The following TRRAP variants were observed in gnomAD, a reference collection of about 807,000 sequenced individuals.
TRRAP encodes transformation/transcription domain associated protein, also known as transformation/transcription domain-associated protein.
A neutral mutation model predicts 438.8 loss-of-function variants in TRRAP; 41 were observed. The observed-to-expected ratio is 0.09, with a 90% CI of 0.07 to 0.12. The LOEUF (loss-of-function observed/expected upper bound fraction) is 0.12. Ranked by LOEUF, TRRAP falls within the 10% of genes least tolerant of loss-of-function variation. The pLI, the probability that TRRAP is intolerant of heterozygous loss-of-function variation, is 1.00. For missense variants in TRRAP, 3,122 were observed against 5,055.1 expected (o/e 0.62, Z 11.60); for synonymous variants, 1,994 against 1,962.9 (o/e 1.02, Z -0.42).
rs1250188820 is a variant in TRRAP at position 98,981,805 on chromosome 7, G to T, written c.8671G>T (p.Val2891Leu). 3.1e-6 allele frequency: 5 copies of T among 1,606,798 alleles called. No individual in the cohort carries two copies. The East Asian group carries it at 1.1e-4, about 36-fold the overall frequency. Residue 2891 changes from valine (V) to leucine (L), a missense_variant, in exon 59 of 73, where the codon GTG becomes TTG. Around this residue, in one of 24 missense-constraint regions of TRRAP, gnomAD observed 992 missense variants for 1,281.2 expected, o/e 0.77. Transcript: ENST00000456197. ...CTGTCCGAAGGAGATGGCCTGGAAGGTGAACATGTACCGCGGATACCTGGC... is the reference window on the plus strand; with the variant it reads ...CTGTCCGAAGGAGATGGCCTGGAAGTTGAACATGTACCGCGGATACCTGGC... ...VSCPKEMAWK[V>L]NMYRGYLAIC... is the part of the protein sequence containing the mutation.
rs918527352 is a variant in TRRAP, at chr7:98,937,237, A to G, written c.4193A>G (p.Asn1398Ser). ...CTCTTCAAAGCCCTGAATTCCACCAATAGTGAGCTCCAAGAGGCCGGAGAA... is the reference window on the plus strand; with the variant it reads ...CTCTTCAAAGCCCTGAATTCCACCAGTAGTGAGCTCCAAGAGGCCGGAGAA... ...AALFKALNST[N>S]SELQEAGEAC... Residue 1398 changes from asparagine to serine, a missense_variant, in exon 29 of 73, where the codon AAT (asparagine) becomes AGT (serine). By Grantham distance (46) the Asn-to-Ser change is conservative. Coordinates refer to ENST00000456197, the MANE Select transcript of TRRAP (RefSeq NM_001375524.1). 6.2e-7 allele frequency: 1 copy of G among 1,613,310 alleles called. No homozygotes were observed. The highest frequency in any genetic ancestry group is 1.3e-5 in the African/African-American group (1 of 75,030).
chr7:98,909,956 C>G (rs781907295), intron 14 of TRRAP, 100 bp from the exon 15 acceptor site: 83 of 1,461,780 alleles, frequency 5.7e-5, no homozygotes, highest in Non-Finnish European at 7.2e-5. Context: ...ACTTGAGCAG[C>G]TGGTGTCAGT....
Position 98,937,244 on chromosome 7 carries a change from G to C in TRRAP, c.4200G>C (p.Glu1400Asp), listed in dbSNP as rs868965746. The change falls in exon 29 of 73, where the codon GAG becomes GAC. Residue 1400 changes from glutamate (E) to aspartate (D), a missense_variant. Transcript: ENST00000456197. The part of the protein sequence containing the change: ...LFKALNSTNS[E>D]LQEAGEACMR... ...AAGCCCTGAATTCCACCAATAGTGA[G>C]CTCCAAGAGGCCGGAGAAGCCTGTA... The C allele has an allele frequency of 6.2e-7, 1 of 1,613,498 alleles. No homozygotes were observed. The highest frequency in any genetic ancestry group is 8.5e-7 in the Non-Finnish European group (1 of 1,179,586).
At position 98,890,343 on chromosome 7, in the gene TRRAP, G is replaced by A. The variant is rs554556426; in HGVS notation, c.159G>A (p.Thr53=). The A allele has an allele frequency of 1.2e-5, 18 of 1,556,920 alleles. No homozygotes were observed. The highest frequency in any genetic ancestry group is 1.7e-4 in the Middle Eastern group (1 of 5,876). Residue 53 remains threonine (T), a synonymous_variant, in exon 4 of 73, where the codon ACG becomes ACA. Transcript: ENST00000456197. Reference sequence around the variant, plus strand: ...TATTTTTGCACAATTAGAATGTCACGTCATCTCCTCAGTATTCTACATTCC... The same window carrying A: ...TATTTTTGCACAATTAGAATGTCACATCATCTCCTCAGTATTCTACATTCC... ...QEVSENFENV[T]SSPQYSTFLE...
At chr7:98,906,972 T>G (rs1796796900) in intron 13 of TRRAP, among the ~76,000 whole-genome samples, 1 of 151,820 alleles carries the variant, frequency 6.6e-6, no homozygotes, top group African/African-American at 2.4e-5. Context: ...GGAGTAATGT[T>G]GCTAATATCT....
intron 65 of TRRAP, 78 bp downstream of exon 65, chr7:98,992,305 C>CG: frequency 6.9e-7 from 1 of 1,457,566 alleles, no homozygotes; most frequent in Non-Finnish European, 9.5e-7. Context: ...GACAGACCAC[C>CG]GCAGCCACCC....
intron 26 of TRRAP, 136 bp downstream of exon 26, chr7:98,931,801 G>A (rs910662767): frequency 1.3e-5 from 15 of 1,186,518 alleles, no homozygotes; most frequent in Admixed American, 2.8e-5. Flanking sequence ...AGGACCCTGC[G>A]TGGGTACCAA....
At position 98,949,820 on chromosome 7, in the gene TRRAP, A is replaced by C. The variant is rs782721965; in HGVS notation, c.5114A>C (p.Tyr1705Ser). The part of the protein sequence containing the change: ...TNWKEPKLLA[Y>S]CLLNYCKRNY... ...TGGAAGGAGCCCAAGCTGCTGGCCT[A>C]CTGCCTGCTGAACTACTGCAAGTGG... The change falls in exon 37 of 73, where the codon TAC becomes TCC. Residue 1705 changes from tyrosine (Y) to serine (S), a missense_variant. By Grantham distance (144) the Tyr-to-Ser change is moderately radical. This residue lies in a region of TRRAP where 272 missense variants were observed against 348.5 expected (regional missense o/e 0.78). Coordinates refer to ENST00000456197, the MANE Select transcript of TRRAP (RefSeq NM_001375524.1). 1.2e-6 allele frequency: 2 copies of C among 1,613,494 alleles called. No individual in the cohort carries two copies. The highest frequency in any genetic ancestry group is 1.7e-6 in the Non-Finnish European group (2 of 1,179,884).
chr7:98,991,410 T>C (rs1295357906), intron 64 of TRRAP, among the ~76,000 whole-genome samples: 1 of 152,232 alleles, frequency 6.6e-6, no homozygotes, highest in Non-Finnish European at 1.5e-5. Context: ...CCCTGAGCGA[T>C]GCCCTGGTTT....
Position 98,953,164 on chromosome 7 carries a change from C to T in TRRAP, c.5464-3C>T, listed in dbSNP as rs560262965. Reference sequence around the variant, plus strand: ...ATGAGTCCTTCCTGCTGTCCCTGCACAGGTCCTGGACCCCGAGAAGCAGGC... The same window carrying T: ...ATGAGTCCTTCCTGCTGTCCCTGCATAGGTCCTGGACCCCGAGAAGCAGGC... On this transcript the variant is annotated splice_region_variant and splice_polypyrimidine_tract_variant and intron_variant, in intron 39 of 72. Transcript: ENST00000456197. 6.2e-6 allele frequency: 10 copies of T among 1,611,740 alleles called. No homozygotes were observed. In the African/African-American group the frequency reaches 1.1e-4, roughly 17 times the overall value.
intron 12 of TRRAP, among the ~76,000 whole-genome samples, chr7:98,905,849 GT>G (rs1584292252): frequency 6.6e-6 from 1 of 152,208 alleles, no homozygotes; most frequent in African/African-American, 2.4e-5. Context: ...TGGTGACAAT[GT>G]TTAAGGATGG....
chr7:98,974,382 G>A lies in TRRAP; in HGVS notation c.7840-1767G>A, dbSNP rs561605497. Among the ~76,000 whole-genome samples, 14 of 152,250 alleles carry A rather than the reference G, an allele frequency of 9.2e-5. 1 individual carries two copies. The South Asian group carries it at 2.9e-3, about 32-fold the overall frequency. ...CTTGGATTCTAAATGTGGAGAGGGC[G>A]GTCCTCACCCCAGGCACACAGGCTC... is the stretch of plus-strand genomic sequence containing the variant. On this transcript the variant is annotated intron_variant, in intron 53 of 72. Transcript: ENST00000456197.
At chr7:98,985,630 C>T (rs117134587) in intron 62 of TRRAP, among the ~76,000 whole-genome samples, 2 of 152,172 alleles carry the variant, frequency 1.3e-5, no homozygotes, top group African/African-American at 4.8e-5. Flanking sequence ...TTGTAAATAT[C>T]ATGCAAATGA....
chr7:99,012,292 G>A lies in TRRAP; in HGVS notation c.11559G>A (p.Val3853=), dbSNP rs1236205069. ...EGGESKVNTL[V]AAANSLDNLC... ...GGGAAAGCAAGGTGAACACCCTGGT[G>A]GCCGCGGCAAACAGCCTGGACAATC... Residue 3853 remains valine, a synonymous_variant, in exon 73 of 73, where the codon GTG becomes GTA. Coordinates refer to ENST00000456197, the MANE Select transcript of TRRAP (RefSeq NM_001375524.1). This position sits in a 1 kb window ranked among gnomAD's most constrained non-coding sequence, Gnocchi z 5.9. The A allele has an allele frequency of 6.2e-7, 1 of 1,612,920 alleles. No homozygotes were observed. The highest frequency in any genetic ancestry group is 2.2e-5 in the East Asian group (1 of 44,844).
intron 1 of TRRAP, 85 bp from the exon 2 acceptor site, chr7:98,881,005 T>G: frequency 2.0e-6 from 1 of 496,686 alleles, no homozygotes; most frequent in South Asian, 4.2e-5. Context: ...GCGTATCGAT[T>G]ATGTAGGCCT....
intron 39 of TRRAP, among the ~76,000 whole-genome samples, chr7:98,952,604 T>G (rs1214628238): frequency 6.6e-6 from 1 of 152,182 alleles, no homozygotes; most frequent in African/African-American, 2.4e-5. Flanking sequence ...TTTGCCAAAG[T>G]TAAGGATGTG....
chr7:98,967,275 T>G, intron 50 of TRRAP, 113 bp downstream of exon 50: 1 of 1,415,172 alleles, frequency 7.1e-7, no homozygotes, highest in Non-Finnish European at 9.6e-7. Context: ...GTTTAAAATA[T>G]TCATTTAAAT....
intron 13 of TRRAP, among the ~76,000 whole-genome samples, chr7:98,907,297 T>A (rs1796818931): frequency 6.6e-6 from 1 of 151,876 alleles, no homozygotes; most frequent in Admixed American, 6.6e-5. Context: ...CAATCCAGCC[T>A]GGGCAATAAG....
rs1554420734 is a variant in TRRAP at position 98,959,956 on chromosome 7, A to AAAAG, written c.6489+469_6489+470insGAAA. ...TCTCTTAAAAAAAAAAAAAAAAAAG[A>AAAAG]AAAAGAAAAGAAAAGAAAGAATGGC... On this transcript the variant is annotated intron_variant, in intron 45 of 72. Coordinates refer to ENST00000456197, the MANE Select transcript of TRRAP (RefSeq NM_001375524.1). 1.1e-3 allele frequency among the ~76,000 whole-genome samples: 133 copies of AAAAG among 120,520 alleles called. 4 individuals are homozygous for AAAAG. In the Admixed American group the frequency reaches 0.011, roughly 10 times the overall value. The allele number at this position is 120,520 out of a possible 152,430, so 79.1% of individuals were successfully genotyped here. A position where few individuals can be genotyped will look rare whatever the true frequency, so the allele number is the denominator to read the frequency against.
Sources: allele counts gnomAD v4.1 joint callset (sites outside exome capture counted in the v4.1 genomes callset), GRCh38; gene constraint gnomAD v4.1.1; regional missense constraint gnomAD v4.1.1; non-coding constraint Gnocchi (gnomAD v3.1); transcripts MANE v1.5; gene names NCBI Gene and HGNC (gene_info 2026-07-23, HGNC 2026-07-21).